The following RAB22A variants were observed in gnomAD, a reference collection of about 807,000 sequenced individuals.
RAB22A encodes the protein RAB22A, member RAS oncogene family.
In RAB22A, 13 loss-of-function variants were observed where a neutral mutation model predicts 30.2. That is an observed-to-expected ratio of 0.43 (90% confidence interval 0.28 to 0.68). RAB22A has a LOEUF of 0.68. Ranked by LOEUF, RAB22A falls within the 30% of genes least tolerant of loss-of-function variation. The pLI is 0.18. For missense variants in RAB22A, 177 were observed against 246.8 expected (o/e 0.72, Z 1.89); for synonymous variants, 89 against 87.2 (o/e 1.02, Z -0.11).
At chr20:58,350,325 G>T (rs886350411) in intron 3 of RAB22A, among the ~76,000 whole-genome samples, 1 of 152,192 alleles carries the variant, frequency 6.6e-6, no homozygotes, top group African/African-American at 2.4e-5. Context: ...ACAGTCTAAC[G>T]TATGTGTAAT....
intron 3 of RAB22A, 60 bp from the exon 4 acceptor site, chr20:58,353,213 A>G (rs376738131): frequency 5.7e-6 from 8 of 1,412,128 alleles, no homozygotes; most frequent in Middle Eastern, 2.1e-4. Flanking sequence ...TTATAAATCT[A>G]GTATAAAACA....
intron 2 of RAB22A, among the ~76,000 whole-genome samples, chr20:58,343,498 T>C (rs1284267763): frequency 6.6e-6 from 1 of 152,128 alleles, no homozygotes; most frequent in Non-Finnish European, 1.5e-5. Flanking sequence ...TTAGAACCCT[T>C]CCTTCTTGGT....
intron 6 of RAB22A, among the ~76,000 whole-genome samples, chr20:58,359,218 G>A (rs1043755015): frequency 2.0e-5 from 3 of 152,182 alleles, no homozygotes; most frequent in Non-Finnish European, 4.4e-5. Context: ...TGTTTTTGAT[G>A]TGTGGCTTTT....
intron 3 of RAB22A, among the ~76,000 whole-genome samples, chr20:58,351,542 G>C (rs998645685): frequency 6.6e-5 from 10 of 152,060 alleles, no homozygotes; most frequent in Non-Finnish European, 1.0e-4. Context: ...GGCCGGGCAT[G>C]GTGGCTCACG....
chr20:58,334,315 A>C (rs1473140308), intron 2 of RAB22A, among the ~76,000 whole-genome samples: 1 of 151,454 alleles, frequency 6.6e-6, no homozygotes, highest in Non-Finnish European at 1.5e-5. Flanking sequence ...AGCCTGGGCG[A>C]CAAGAGCGAA....
chr20:58,334,275 C>G (rs1986708175), intron 2 of RAB22A, among the ~76,000 whole-genome samples: 1 of 150,714 alleles, frequency 6.6e-6, no homozygotes, highest in Non-Finnish European at 1.5e-5. Flanking sequence ...GTGGAGATTG[C>G]AGTAAGCAGA....
intron 2 of RAB22A, among the ~76,000 whole-genome samples, chr20:58,330,315 C>T (rs888066291): frequency 6.6e-6 from 1 of 152,188 alleles, no homozygotes; most frequent in Non-Finnish European, 1.5e-5. Flanking sequence ...ATATATTTTA[C>T]ATGCATAGTT....
At chr20:58,347,395 A>G (rs1986968977) in intron 3 of RAB22A, among the ~76,000 whole-genome samples, 1 of 152,244 alleles carries the variant, frequency 6.6e-6, no homozygotes, top group African/African-American at 2.4e-5. Context: ...GCTCAGGATG[A>G]TGATATAAGT....
In RAB22A at chr20:58,362,127, G is replaced by A. The variant is rs995102650; in HGVS notation, c.*2424G>A. ...CCCTCATTTTCATCAGTCTGTCTAAGAACTTGACTCGGCACTGTTTCTCGT... is the reference window on the plus strand; with the variant it reads ...CCCTCATTTTCATCAGTCTGTCTAAAAACTTGACTCGGCACTGTTTCTCGT... On this transcript the variant is annotated 3_prime_UTR_variant, in exon 7 of 7. Coordinates refer to ENST00000244040, the MANE Select transcript of RAB22A (RefSeq NM_020673.3). The A allele has an allele frequency of 3.9e-5, 6 of 152,274 alleles. No homozygotes were observed. The South Asian group carries it at 1.2e-3, about 32-fold the overall frequency. The allele number at this position is 152,274 out of a possible 1,614,324, so 9.4% of individuals were successfully genotyped here. A position where few individuals can be genotyped will look rare whatever the true frequency, so the allele number is the denominator to read the frequency against.
chr20:58,330,403 G>T (rs1986642057), intron 2 of RAB22A, among the ~76,000 whole-genome samples: 1 of 151,600 alleles, frequency 6.6e-6, no homozygotes, highest in African/African-American at 2.4e-5. Flanking sequence ...ATCTGTATCT[G>T]CTCATTCCAG....
chr20:58,357,668 A>G (rs1479694388), intron 6 of RAB22A, among the ~76,000 whole-genome samples: 3 of 152,256 alleles, frequency 2.0e-5, no homozygotes, highest in African/African-American at 7.2e-5. Flanking sequence ...TTTATTGAGA[A>G]TAATGACAAG....
chr20:58,310,997 C>T, intron 1 of RAB22A, 46 bp from the exon 2 acceptor site: 1 of 1,501,202 alleles, frequency 6.7e-7, no homozygotes, highest in Non-Finnish European at 9.3e-7. Context: ...TTGGTGTCTG[C>T]CAAAAGGTAA....
intron 2 of RAB22A, among the ~76,000 whole-genome samples, chr20:58,315,733 A>G (rs1600722709): frequency 2.0e-5 from 3 of 150,580 alleles, no homozygotes; most frequent in East Asian, 3.9e-4. Context: ...ATTCATATCC[A>G]TTTAAGAAAG....
At chr20:58,356,997 G>A (rs1987140624) in intron 6 of RAB22A, among the ~76,000 whole-genome samples, 1 of 152,104 alleles carries the variant, frequency 6.6e-6, no homozygotes, top group African/African-American at 2.4e-5. Context: ...GTATTCTTTG[G>A]TGAACATCTG....
At chr20:58,320,103 C>G (rs1986422990) in intron 2 of RAB22A, among the ~76,000 whole-genome samples, 1 of 152,154 alleles carries the variant, frequency 6.6e-6, no homozygotes, top group East Asian at 1.9e-4. Context: ...GTGTCAGGAC[C>G]TCATCAAATG....
At position 58,366,254 on chromosome 20, in the gene RAB22A, G is replaced by C. The variant is rs1987314071; in HGVS notation, c.*6551G>C. On this transcript the variant is annotated 3_prime_UTR_variant, in exon 7 of 7. Coordinates refer to ENST00000244040, the MANE Select transcript of RAB22A (RefSeq NM_020673.3). ...TCTGCCTTCCCCTGCGGCCTTCCGT[G>C]GTCACAGCAACAGGGACTGCTCACC... 6.6e-6 allele frequency: 1 copy of C among 152,060 alleles called. No individual in the cohort carries two copies. The highest frequency in any genetic ancestry group is 6.6e-5 in the Admixed American group (1 of 15,262). 9.4% of individuals were successfully genotyped at this position (152,060 alleles called of 1,614,324 possible). A position where few individuals can be genotyped will look rare whatever the true frequency, so the allele number is the denominator to read the frequency against.
chr20:58,351,107 C>T (rs1987040871), intron 3 of RAB22A, among the ~76,000 whole-genome samples: 1 of 151,838 alleles, frequency 6.6e-6, no homozygotes, highest in African/African-American at 2.4e-5. Flanking sequence ...TGAAAGGCCA[C>T]GACAGGTAGA....
intron 5 of RAB22A, 101 bp from the exon 6 acceptor site, chr20:58,354,055 C>T (rs1600742085): frequency 2.7e-6 from 2 of 736,390 alleles, no homozygotes; most frequent in East Asian, 5.4e-5. Context: ...GCCATTTAGT[C>T]CATCCTTTGT....
At chr20:58,313,283 G>A (rs1986267554) in intron 2 of RAB22A, among the ~76,000 whole-genome samples, 1 of 152,134 alleles carries the variant, frequency 6.6e-6, no homozygotes. Context: ...TTTTCACAGG[G>A]AAAATAGCAT....
Sources: gnomAD v4.1 joint callset for allele counts (sites outside exome capture counted in the v4.1 genomes callset) on GRCh38, gnomAD v4.1.1 for gene constraint, MANE v1.5 for transcripts, NCBI Gene and HGNC (gene_info 2026-07-23, HGNC 2026-07-21) for gene names.